Variants in RFC3 observed in about 807,000 individuals in gnomAD.
RFC3 encodes the protein A1 38 kDa subunit.
In RFC3, 41 loss-of-function variants were observed where a neutral mutation model predicts 45.1. The ratio of observed to expected loss-of-function variants is 0.91; its 90% CI spans 0.71 to 1.18. The LOEUF (loss-of-function observed/expected upper bound fraction) is 1.18. Among genes scored for constraint, RFC3 ranks in the 50% most tolerant of loss-of-function variants. The pLI, the probability that RFC3 is intolerant of heterozygous loss-of-function variation, is 0.00. For missense variants in RFC3, 423 were observed against 428.1 expected (o/e 0.99, Z 0.10); for synonymous variants, 149 against 144.0 (o/e 1.03, Z -0.25).
intron 2 of RFC3, 69 bp downstream of exon 2, chr13:33,821,338 C>A: frequency 6.9e-7 from 1 of 1,443,612 alleles, no homozygotes; most frequent in Non-Finnish European, 9.6e-7. Context: ...TCATGTATGT[C>A]CCCCCAACTC....
At position 33,961,912 on chromosome 13, in the gene RFC3, C is replaced by T. The variant is rs138891380; in HGVS notation, c.880-4175C>T. Among the ~76,000 whole-genome samples, 756 of 152,208 alleles carry T rather than the reference C, an allele frequency of 5.0e-3. 7 individuals are homozygous for T. Among genetic ancestry groups the T allele is most frequent in the African/African-American group, 0.017 (705 of 41,546 alleles). On this transcript the variant is annotated intron_variant, in intron 8 of 8. Transcript: ENST00000434425. ...CCTGGCTGACAAATAAAGGCTATACCGTGAAATCTTTTCCTCTGTAAGAAT... is the reference window on the plus strand; with the variant it reads ...CCTGGCTGACAAATAAAGGCTATACTGTGAAATCTTTTCCTCTGTAAGAAT...
chr13:33,823,637 T>G (rs1274759394), intron 2 of RFC3, among the ~76,000 whole-genome samples: 1 of 152,156 alleles, frequency 6.6e-6, no homozygotes, highest in Non-Finnish European at 1.5e-5. Flanking sequence ...TTTGCAATGA[T>G]CTGTGTTTCA....
At chr13:33,875,815 C>T (rs148420549) in intron 8 of RFC3, among the ~76,000 whole-genome samples, 16 of 152,090 alleles carry the variant, frequency 1.1e-4, no homozygotes, top group East Asian at 1.9e-4. Flanking sequence ...CACTTACAGA[C>T]GGGACGTGGG....
At position 33,837,102 on chromosome 13, in the gene RFC3, TATAAA is replaced by T. The variant is rs1273154382; in HGVS notation, c.*816_*820del. 1.1e-6 allele frequency: 1 copy of T among 945,164 alleles called. No homozygotes were observed. Among genetic ancestry groups the T allele is most frequent in the Non-Finnish European group, 1.3e-6 (1 of 793,478 alleles). 58.5% of individuals were successfully genotyped at this position (945,164 alleles called of 1,614,324 possible). A position where few individuals can be genotyped will look rare whatever the true frequency, so the allele number is the denominator to read the frequency against. ...AATTCCTTTACTACGAAGTATAATT[TATAAA>T]ATAAAATATACCCATTTTAAGGGTA... On this transcript the variant is annotated 3_prime_UTR_variant, in exon 9 of 9. Coordinates refer to ENST00000380071, the MANE Select transcript of RFC3 (RefSeq NM_002915.4).
At position 33,829,864 on chromosome 13, in the gene RFC3, C is replaced by T. The variant is rs749859448; in HGVS notation, c.420C>T (p.Leu140=). Residue 140 remains leucine (L), a synonymous_variant, in exon 5 of 9, where the codon CTC becomes CTT. Transcript: ENST00000380071. The part of the protein sequence containing the change: ...KVVLLTEVDK[L]TKDAQHALRR... ...TATTATTGACAGAAGTTGACAAACTCACCAAAGATGCTCAGCATGCCTTGC... is the reference window on the plus strand; with the variant it reads ...TATTATTGACAGAAGTTGACAAACTTACCAAAGATGCTCAGCATGCCTTGC... The T allele has an allele frequency of 6.2e-7, 1 of 1,614,076 alleles. No individual in the cohort carries two copies. The highest frequency in any genetic ancestry group is 2.2e-5 in the East Asian group (1 of 44,878).
chr13:33,837,703 G>A (rs758090253), downstream of RFC3, among the ~76,000 whole-genome samples: 2 of 151,860 alleles, frequency 1.3e-5, no homozygotes, highest in Non-Finnish European at 2.9e-5. Flanking sequence ...TTTCTATGTT[G>A]TTGTCCATTT....
rs576931265 is a variant in RFC3, at chr13:33,864,846, G to C, written c.879+29629G>C. 2.3e-4 allele frequency among the ~76,000 whole-genome samples: 35 copies of C among 152,280 alleles called. No homozygotes were observed. In the South Asian group the frequency reaches 5.8e-3, roughly 25 times the overall value. On this transcript the variant is annotated intron_variant, in intron 8 of 8. Transcript: ENST00000434425. ...GGGGACAACTCAAATATGATTCCAA[G>C]AACCTAACCTGAGCTATGGTGAGTT...
Position 33,836,892 on chromosome 13 carries a change from T to C in RFC3, c.*597T>C. 1.0e-6 allele frequency: 1 copy of C among 984,628 alleles called. No homozygotes were observed. Among genetic ancestry groups the C allele is most frequent in the Non-Finnish European group, 1.2e-6 (1 of 829,224 alleles). 61.0% of individuals were successfully genotyped at this position (984,628 alleles called of 1,614,324 possible). A position where few individuals can be genotyped will look rare whatever the true frequency, so the allele number is the denominator to read the frequency against. On this transcript the variant is annotated 3_prime_UTR_variant, in exon 9 of 9. Coordinates refer to ENST00000380071, the MANE Select transcript of RFC3 (RefSeq NM_002915.4). ...TACTAAGAAATAAGCATGTTTTCAC[T>C]AATTTAAGTACTTGAGACTCTTGAA...
chr13:33,881,815 C>T (rs2082486841), intron 8 of RFC3, among the ~76,000 whole-genome samples: 1 of 152,110 alleles, frequency 6.6e-6, no homozygotes, highest in Non-Finnish European at 1.5e-5. Flanking sequence ...TGACCTTGAA[C>T]ATGTTCTTCT....
At chr13:33,892,940 C>A (rs1188541460) in intron 8 of RFC3, among the ~76,000 whole-genome samples, 1 of 152,132 alleles carries the variant, frequency 6.6e-6, no homozygotes, top group East Asian at 1.9e-4. Flanking sequence ...TTTCTACACT[C>A]AAAAAAGTGA....
At chr13:33,889,516 T>A (rs1029331917) in intron 8 of RFC3, among the ~76,000 whole-genome samples, 2 of 152,244 alleles carry the variant, frequency 1.3e-5, no homozygotes, top group Non-Finnish European at 2.9e-5. Context: ...ATCAGGGTAG[T>A]TGGCATTTTT....
intron 8 of RFC3, among the ~76,000 whole-genome samples, chr13:33,904,889 T>A (rs1481573323): frequency 6.6e-6 from 1 of 152,042 alleles, no homozygotes; most frequent in Non-Finnish European, 1.5e-5. Context: ...TCTCAGAGCC[T>A]AAGTATGTTG....
At chr13:33,898,498 C>G (rs1370795695) in intron 8 of RFC3, among the ~76,000 whole-genome samples, 1 of 151,534 alleles carries the variant, frequency 6.6e-6, no homozygotes, top group African/African-American at 2.4e-5. Flanking sequence ...CTATGGGATA[C>G]CGAAAAAGCA....
chr13:33,828,451 C>A (rs964198525), intron 4 of RFC3, among the ~76,000 whole-genome samples: 1 of 152,180 alleles, frequency 6.6e-6, no homozygotes, highest in Non-Finnish European at 1.5e-5. Context: ...TTCTCAGAGT[C>A]TGCTGTTCTG....
intron 5 of RFC3, 100 bp from the exon 6 acceptor site, chr13:33,830,619 T>G: frequency 1.2e-6 from 1 of 854,676 alleles, no homozygotes; most frequent in Non-Finnish European, 1.7e-6. Flanking sequence ...ATAAGAATTT[T>G]GAGAGTAATA....
rs548146978 is a variant in RFC3, at chr13:33,926,773, T to C, written c.880-39314T>C. 3.3e-5 allele frequency among the ~76,000 whole-genome samples: 5 copies of C among 151,272 alleles called. No individual in the cohort carries two copies. In the East Asian group the frequency reaches 9.7e-4, roughly 29 times the overall value. On this transcript the variant is annotated intron_variant, in intron 8 of 8. Coordinates refer to the RFC3 transcript ENST00000434425. ...TGAGATCTGCAACTGTGGGATACAC[T>C]TTTGTCAACATTTTAAAAGGCCAAC...
intron 8 of RFC3, among the ~76,000 whole-genome samples, chr13:33,952,510 T>C (rs1371278077): frequency 6.6e-6 from 1 of 152,244 alleles, no homozygotes; most frequent in Non-Finnish European, 1.5e-5. Context: ...GATGCTGTAA[T>C]ATCTGTCGCA....
rs9570621 is a variant in RFC3, at chr13:33,943,229, A to G, written c.880-22858A>G. ...CCTCAGAAATAGACCTAGGGTCTCT[A>G]TTTTAAGCATATTACATATGTTAAC... is the stretch of plus-strand genomic sequence containing the variant. On this transcript the variant is annotated intron_variant, in intron 8 of 8. Transcript: ENST00000434425. Among the ~76,000 whole-genome samples the G allele has an allele frequency of 3.8e-3, 575 of 152,288 alleles. 28 individuals carry two copies. In the East Asian group the frequency reaches 0.099, roughly 26 times the overall value.
intron 8 of RFC3, among the ~76,000 whole-genome samples, chr13:33,870,094 G>A (rs918791754): frequency 3.9e-5 from 6 of 152,144 alleles, no homozygotes; most frequent in Non-Finnish European, 5.9e-5. Context: ...AGGTGTGCTC[G>A]GAATATTTTG....
Sources: allele counts gnomAD v4.1 joint callset (sites outside exome capture counted in the v4.1 genomes callset), GRCh38; gene constraint gnomAD v4.1.1; transcripts MANE v1.5; gene names NCBI Gene and HGNC (gene_info 2026-07-23, HGNC 2026-07-21).